Variants in EHMT1 observed in about 807,000 individuals in gnomAD.
The protein encoded by EHMT1 is histone-lysine N-methyltransferase EHMT1.
In EHMT1, 15 loss-of-function variants were observed where a neutral mutation model predicts 147.2. The observed-to-expected ratio is 0.10, with a 90% CI of 0.07 to 0.16. The LOEUF is 0.16. Ranked by LOEUF, EHMT1 falls within the 10% of genes least tolerant of loss-of-function variation. EHMT1 has a pLI of 1.00. For synonymous variants in EHMT1, 795 were observed against 709.6 expected (o/e 1.12, Z -1.91); for missense variants, 1,587 against 1,772.4 (o/e 0.90, Z 1.88).
intron 1 of EHMT1, among the ~76,000 whole-genome samples, chr9:137,679,248 CT>C (rs1222925509): frequency 6.6e-6 from 1 of 152,186 alleles, no homozygotes; most frequent in African/African-American, 2.4e-5. Context: ...TGTGCCCGAC[CT>C]GAGAAATTGT....
At chr9:137,815,231 C>T (rs974561917) in intron 22 of EHMT1, 10 of 163,640 alleles carry the variant, frequency 6.1e-5, no homozygotes, top group African/African-American at 2.2e-4. Context: ...GAATTAGAGG[C>T]TCCAATGGGA....
At chr9:137,701,794 A>AT (rs1564607497) in intron 1 of EHMT1, among the ~76,000 whole-genome samples, 5 of 32,114 alleles carry the variant, frequency 1.6e-4, no homozygotes, top group African/African-American at 1.1e-3. Flanking sequence ...TGCCTGGTTA[A>AT]ATTTTTTTTT....
chr9:137,772,385 C>T (rs1000027532), intron 10 of EHMT1, among the ~76,000 whole-genome samples: 3 of 151,924 alleles, frequency 2.0e-5, no homozygotes, highest in Non-Finnish European at 2.9e-5. Context: ...AATAGGAAAC[C>T]GTTTTGTAGC....
intron 1 of EHMT1, among the ~76,000 whole-genome samples, chr9:137,626,262 A>C (rs1843250405): frequency 6.6e-6 from 1 of 151,618 alleles, no homozygotes; most frequent in African/African-American, 2.4e-5. Flanking sequence ...TATTTATTTT[A>C]ATTACAATTA....
rs1194318245 is a variant in EHMT1 at position 137,776,085 on chromosome 9, C to T, written c.1792-533C>T. On this transcript the variant is annotated intron_variant, in intron 11 of 26. Coordinates refer to ENST00000460843, the MANE Select transcript of EHMT1 (RefSeq NM_024757.5). This position sits in a 1 kb window ranked among gnomAD's most constrained non-coding sequence, Gnocchi z 4.4. ...TGGACTTCACACCTTGCATGTCCTC[C>T]CCATCTTCAAACATCCTTTTTTTGG... 6.6e-6 allele frequency among the ~76,000 whole-genome samples: 1 copy of T among 152,182 alleles called. No individual in the cohort carries two copies. The highest frequency in any genetic ancestry group is 2.1e-4 in the South Asian group (1 of 4,828).
At chr9:137,657,031 G>A (rs557843771) in intron 1 of EHMT1, among the ~76,000 whole-genome samples, 3 of 152,260 alleles carry the variant, frequency 2.0e-5, no homozygotes, top group South Asian at 2.1e-4. Flanking sequence ...GTGAGCCACC[G>A]TGCCTGGCCA....
intron 25 of EHMT1, among the ~76,000 whole-genome samples, chr9:137,827,809 G>A (rs1026051960): frequency 6.7e-6 from 1 of 149,290 alleles, no homozygotes; most frequent in Admixed American, 6.7e-5. Context: ...CATCAACTTG[G>A]CGCCCCAGGG....
intron 1 of EHMT1, among the ~76,000 whole-genome samples, chr9:137,672,958 T>C (rs1252921885): frequency 1.3e-5 from 2 of 150,886 alleles, no homozygotes; most frequent in African/African-American, 4.8e-5. Flanking sequence ...TGTGGTTTTC[T>C]GCATGCAGGT....
intron 10 of EHMT1, among the ~76,000 whole-genome samples, chr9:137,765,841 C>T (rs3125800): frequency 0.042 from 6,372 of 152,128 alleles, 157 homozygotes; most frequent in African/African-American, 0.07. Flanking sequence ...ATATTGTTCT[C>T]GGTCCCTTCT....
At chr9:137,686,620 C>G (rs1009997765) in intron 1 of EHMT1, among the ~76,000 whole-genome samples, 2 of 151,962 alleles carry the variant, frequency 1.3e-5, no homozygotes, top group Non-Finnish European at 2.9e-5. Flanking sequence ...GAACTCCTGG[C>G]CTCAAGCTAC....
chr9:137,690,260 T>C (rs1322998969), intron 1 of EHMT1, among the ~76,000 whole-genome samples: 3 of 152,138 alleles, frequency 2.0e-5, no homozygotes, highest in African/African-American at 7.2e-5. Flanking sequence ...GACTTACTCT[T>C]GTGTATTTGC....
intron 15 of EHMT1, chr9:137,784,126 A>G (rs1951774661): frequency 4.6e-6 from 7 of 1,524,926 alleles, no homozygotes; most frequent in Non-Finnish European, 6.2e-6. Context: ...TGGGAAGCCC[A>G]AGGTCGAGGG....
chr9:137,822,768 C>T (rs1010706599), intron 25 of EHMT1, among the ~76,000 whole-genome samples: 1 of 151,952 alleles, frequency 6.6e-6, no homozygotes, highest in Admixed American at 6.6e-5. Flanking sequence ...TGGCGCATGC[C>T]TGTAATCCCA....
At chr9:137,749,022 C>A (rs1292571141) in intron 6 of EHMT1, among the ~76,000 whole-genome samples, 1 of 152,154 alleles carries the variant, frequency 6.6e-6, no homozygotes, top group African/African-American at 2.4e-5. Context: ...CCCCTCTTAG[C>A]CTGAATCTGT....
At position 137,782,602 on chromosome 9, in the gene EHMT1, G is replaced by C. The variant is rs1477279121; in HGVS notation, c.2382+205G>C. 1.3e-5 allele frequency among the ~76,000 whole-genome samples: 2 copies of C among 152,158 alleles called. No homozygotes were observed. Among genetic ancestry groups the C allele is most frequent in the Non-Finnish European group, 2.9e-5 (2 of 68,038 alleles). On this transcript the variant is annotated intron_variant, in intron 15 of 26. Coordinates refer to ENST00000460843, the MANE Select transcript of EHMT1 (RefSeq NM_024757.5). This position sits in a 1 kb window ranked among gnomAD's most constrained non-coding sequence, Gnocchi z 5.7. ...TCTTCCGGCATTTACCACGGCCTTT[G>C]AGAAGAGCATGCCGCCATTTGGCTG...
At chr9:137,629,689 G>C (rs906162066) in intron 1 of EHMT1, among the ~76,000 whole-genome samples, 1 of 151,844 alleles carries the variant, frequency 6.6e-6, no homozygotes, top group African/African-American at 2.4e-5. Flanking sequence ...CATCGCACCT[G>C]GTCCAGTTTT....
rs71387862 is a variant in EHMT1, at chr9:137,814,056, GCCCCCCCCCCC to G, written c.3181-370_3181-360del. 1.0e-4 allele frequency among the ~76,000 whole-genome samples: 5 copies of G among 50,050 alleles called. 1 individual carries two copies. Among genetic ancestry groups the G allele is most frequent in the Admixed American group, 4.2e-4 (2 of 4,798 alleles). The allele number at this position is 50,050 out of a possible 152,430, so 32.8% of individuals were successfully genotyped here. ...TCTTCCCAGGCCGGGCACTGCCCAGGCCCCCCCCCCCCCCCGCCCCCCGCCCCACAAGGTGT... is the reference window on the plus strand; with the variant it reads ...TCTTCCCAGGCCGGGCACTGCCCAGGCCCCGCCCCCCGCCCCACAAGGTGT... On this transcript the variant is annotated intron_variant, in intron 21 of 26. Transcript: ENST00000460843.
intron 21 of EHMT1, 119 bp from the exon 22 acceptor site, chr9:137,814,312 C>G (rs1954752476): frequency 2.8e-6 from 3 of 1,067,794 alleles, no homozygotes; most frequent in Middle Eastern, 2.0e-4. Flanking sequence ...TCACGTGGTG[C>G]CTTTGAGAAG....
intron 15 of EHMT1, among the ~76,000 whole-genome samples, chr9:137,790,293 G>A (rs1292600368): frequency 6.6e-6 from 1 of 152,198 alleles, no homozygotes; most frequent in East Asian, 1.9e-4. Flanking sequence ...CAATTTTAAA[G>A]TCGAGGGCTT....
Sources: allele counts gnomAD v4.1 joint callset (sites outside exome capture counted in the v4.1 genomes callset), GRCh38; gene constraint gnomAD v4.1.1; non-coding constraint Gnocchi (gnomAD v3.1); transcripts MANE v1.5; gene names NCBI Gene and HGNC (gene_info 2026-07-23, HGNC 2026-07-21).